The following EPHA6 variants were observed in gnomAD, a reference collection of about 807,000 sequenced individuals.
EPHA6 encodes the protein EPH receptor A6.
EPHA6 carries 50 observed loss-of-function variants against 112.0 expected under a neutral mutation model. The ratio of observed to expected loss-of-function variants is 0.45; its 90% CI spans 0.36 to 0.56. The LOEUF is 0.56. EPHA6 is among the 20% of genes least tolerant of loss of function. The pLI, the probability that EPHA6 is intolerant of heterozygous loss-of-function variation, is 0.00. For synonymous variants in EPHA6, 529 were observed against 490.7 expected (o/e 1.08, Z -1.03); for missense variants, 1,280 against 1,417.4 (o/e 0.90, Z 1.56).
intron 14 of EPHA6, among the ~76,000 whole-genome samples, chr3:97,689,589 C>T (rs1003221937): frequency 3.3e-5 from 5 of 152,294 alleles, no homozygotes; most frequent in African/African-American, 1.2e-4. Flanking sequence ...GCTCCAGAAG[C>T]TGAGTGAGCC....
chr3:97,349,417 TCA>T (rs1044992991), intron 5 of EPHA6, among the ~76,000 whole-genome samples: 1 of 152,030 alleles, frequency 6.6e-6, no homozygotes, highest in Non-Finnish European at 1.5e-5. Context: ...CAACAACTCC[TCA>T]CACATACCAT....
intron 3 of EPHA6, among the ~76,000 whole-genome samples, chr3:97,036,920 G>A (rs1224884185): frequency 6.6e-6 from 1 of 151,886 alleles, no homozygotes; most frequent in Non-Finnish European, 1.5e-5. Context: ...TTGACTGGGA[G>A]CTACTAGGTC....
intron 1 of EPHA6, among the ~76,000 whole-genome samples, chr3:96,819,397 T>C (rs1019247591): frequency 1.3e-5 from 2 of 152,108 alleles, no homozygotes; most frequent in African/African-American, 2.4e-5. Flanking sequence ...TAAATTTCCC[T>C]CTACCAACCC....
At chr3:97,239,843 G>A (rs1009811001) in intron 4 of EPHA6, among the ~76,000 whole-genome samples, 1 of 151,962 alleles carries the variant, frequency 6.6e-6, no homozygotes, top group Middle Eastern at 3.4e-3. Context: ...CAAAATGCAT[G>A]TTGTTCAAGG....
At chr3:97,307,616 T>C (rs2081374095) in intron 5 of EPHA6, among the ~76,000 whole-genome samples, 1 of 151,532 alleles carries the variant, frequency 6.6e-6, no homozygotes. Flanking sequence ...TTGCCTTTTT[T>C]TTTTTCTTTA....
At chr3:97,491,645 A>C (rs1446464473) in intron 10 of EPHA6, among the ~76,000 whole-genome samples, 1 of 145,846 alleles carries the variant, frequency 6.9e-6, no homozygotes. Context: ...AAGGTTTATG[A>C]GAGTTGAATC....
At chr3:97,506,963 CTCTG>C (rs1439634872) in intron 10 of EPHA6, among the ~76,000 whole-genome samples, 5 of 151,830 alleles carry the variant, frequency 3.3e-5, no homozygotes, top group Non-Finnish European at 7.4e-5. Context: ...TGATTTTTCT[CTCTG>C]TCTATTATTG....
At chr3:96,836,713 T>G (rs184177810) in intron 1 of EPHA6, among the ~76,000 whole-genome samples, 2 of 152,324 alleles carry the variant, frequency 1.3e-5, no homozygotes, top group East Asian at 1.9e-4. Flanking sequence ...GAAGGGCAGA[T>G]AAGCCAGTTG....
intron 14 of EPHA6, among the ~76,000 whole-genome samples, chr3:97,716,574 CAAAAAAA>C (rs1218426459): frequency 1.3e-4 from 5 of 37,272 alleles, no homozygotes; most frequent in Non-Finnish European, 2.4e-4. Flanking sequence ...GACTCCGTCT[CAAAAAAA>C]AAAAAAAAAA....
chr3:97,360,706 C>A (rs183931759), intron 5 of EPHA6, among the ~76,000 whole-genome samples: 2 of 151,634 alleles, frequency 1.3e-5, no homozygotes, highest in East Asian at 3.9e-4. Context: ...TAATACAATT[C>A]GAGAAAATAA....
intron 4 of EPHA6, among the ~76,000 whole-genome samples, chr3:97,242,199 A>G (rs1269493443): frequency 2.6e-5 from 4 of 151,732 alleles, no homozygotes; most frequent in African/African-American, 7.3e-5. Flanking sequence ...TACATAGAAA[A>G]CTATCCATAC....
At chr3:97,058,080 C>A (rs554827882) in intron 3 of EPHA6, among the ~76,000 whole-genome samples, 1 of 152,010 alleles carries the variant, frequency 6.6e-6, no homozygotes, top group Non-Finnish European at 1.5e-5. Flanking sequence ...GTATTTAAGA[C>A]CATTGCAGAG....
At chr3:97,576,787 C>A (rs992336782) in intron 11 of EPHA6, among the ~76,000 whole-genome samples, 1 of 151,894 alleles carries the variant, frequency 6.6e-6, no homozygotes, top group Non-Finnish European at 1.5e-5. Flanking sequence ...AAAAAGATTT[C>A]TATTACATAA....
At chr3:97,352,237 C>G (rs1177402375) in intron 5 of EPHA6, among the ~76,000 whole-genome samples, 3 of 151,840 alleles carry the variant, frequency 2.0e-5, no homozygotes, top group African/African-American at 7.3e-5. Flanking sequence ...AAGGGTGGAA[C>G]AAGATGGCCA....
intron 10 of EPHA6, among the ~76,000 whole-genome samples, chr3:97,530,674 C>T (rs1292562627): frequency 6.6e-6 from 1 of 151,660 alleles, no homozygotes; most frequent in African/African-American, 2.4e-5. Flanking sequence ...ATCATATGCA[C>T]TGAATTTTCA....
At chr3:97,032,984 T>G (rs1327762478) in intron 3 of EPHA6, among the ~76,000 whole-genome samples, 1 of 151,348 alleles carries the variant, frequency 6.6e-6, no homozygotes, top group East Asian at 1.9e-4. Flanking sequence ...ACTCTTCAGG[T>G]AGGGTATGGG....
intron 5 of EPHA6, among the ~76,000 whole-genome samples, chr3:97,325,106 C>T (rs1348871534): frequency 2.0e-5 from 3 of 152,036 alleles, no homozygotes; most frequent in Non-Finnish European, 4.4e-5. Flanking sequence ...AGAGATCTCA[C>T]TTAACATCTC....
At chr3:97,130,869 T>C (rs1167283580) in intron 3 of EPHA6, among the ~76,000 whole-genome samples, 1 of 152,122 alleles carries the variant, frequency 6.6e-6, no homozygotes, top group Admixed American at 6.5e-5. Flanking sequence ...ACAAACCATA[T>C]CCTAGTGAGA....
intron 2 of EPHA6, among the ~76,000 whole-genome samples, chr3:96,873,382 T>C (rs1385171735): frequency 6.6e-6 from 1 of 152,162 alleles, no homozygotes. Flanking sequence ...TTCAGCTTTT[T>C]ACTTGTTACA....
Sources: allele counts gnomAD v4.1 joint callset (sites outside exome capture counted in the v4.1 genomes callset), GRCh38; gene constraint gnomAD v4.1.1; transcripts MANE v1.5; gene names NCBI Gene and HGNC (gene_info 2026-07-23, HGNC 2026-07-21).